Variants in SLC8B1 observed in about 807,000 individuals in gnomAD.
The protein encoded by SLC8B1 is mitochondrial sodium/calcium exchanger protein.
Under a neutral mutation model 63.4 loss-of-function variants are expected in SLC8B1, and 52 were observed. The observed-to-expected ratio is 0.82, with a 90% CI of 0.66 to 1.03. The LOEUF is 1.03. Among genes scored for constraint, SLC8B1 ranks in the 50% least tolerant of loss-of-function variants. The pLI is 0.00. For synonymous variants in SLC8B1, 336 were observed against 323.9 expected, an observed-to-expected ratio of 1.04 and a Z score of -0.40; for missense variants, 657 against 741.7, an observed-to-expected ratio of 0.89 and a Z score of 1.33.
chr12:113,320,561 C>CA lies in SLC8B1; in HGVS notation c.526+19_526+20insT. ...CTCTCCTGCTGCTTTCCCCGCCCCC[C>CA]TCACTGGGGCTGCTCTCACCAAACA... On this transcript the variant is annotated intron_variant, in intron 6 of 15. Transcript: ENST00000680972. This position sits in a 1 kb window ranked among gnomAD's most constrained non-coding sequence, Gnocchi z 5.3. The CA allele has an allele frequency of 6.2e-7, 1 of 1,614,034 alleles. No individual in the cohort carries two copies.
rs769606106 is a variant in SLC8B1, at chr12:113,316,547, C to T, written c.972G>A (p.Trp324Ter). 6.2e-7 allele frequency: 1 copy of T among 1,614,046 alleles called. No individual in the cohort carries two copies. The highest frequency in any genetic ancestry group is 1.7e-5 in the Admixed American group (1 of 59,998). The stretch of plus-strand genomic sequence containing the variant: ...CTACCTTGAACACCTTGAGGGCTTT[C>T]CAGTATGCTGATTTCCTTCTCCACT... Reference protein sequence around the residue: ...YMKWRRKSAYWKALKVFKLPV... With the variant: ...YMKWRRKSAY Residue 324 changes from tryptophan to a stop codon, truncating the protein, a stop_gained, in exon 10 of 16, where the codon TGG becomes TGA. Transcript: ENST00000680972. LOFTEE classifies it high-confidence loss of function.
At chr12:113,323,708 CA>C (rs368029752) in intron 2 of SLC8B1, among the ~76,000 whole-genome samples, 1 of 148,266 alleles carries the variant, frequency 6.7e-6, no homozygotes. Context: ...GACTCCATCT[CA>C]AAAAAAAACA....
At position 113,305,317 on chromosome 12, in the gene SLC8B1, C is replaced by A. The variant is rs1410245100; in HGVS notation, c.1493-932G>T. ...TTGCTCAGCCTGGGAGTTAAAAGGG[C>A]AGGCATCACTGTCTCCGCAGTTAGC... On this transcript the variant is annotated intron_variant, in intron 14 of 15. Coordinates refer to ENST00000680972, the MANE Select transcript of SLC8B1 (RefSeq NM_001358345.2). This position sits in a 1 kb window ranked among gnomAD's most constrained non-coding sequence, Gnocchi z 4.3. Among the ~76,000 whole-genome samples, 1 of 152,250 alleles carries A rather than the reference C, an allele frequency of 6.6e-6. No homozygotes were observed. The highest frequency in any genetic ancestry group is 2.4e-5 in the African/African-American group (1 of 41,468).
chr12:113,309,613 G>T (rs1956727412), intron 12 of SLC8B1, among the ~76,000 whole-genome samples: 1 of 152,142 alleles, frequency 6.6e-6, no homozygotes, highest in Non-Finnish European at 1.5e-5. Context: ...AAAATTAGCT[G>T]GGCGTGGTGG....
Position 113,315,316 on chromosome 12 carries a change from C to T in SLC8B1, c.1135+19G>A, listed in dbSNP as rs182646127. On this transcript the variant is annotated intron_variant, in intron 11 of 15. Transcript: ENST00000680972. ...GAAGGAGTAGGAAGGTGGGTTGGCC[C>T]GGGGTAGGGGATACTCACAGGTCCC... The T allele has an allele frequency of 8.2e-5, 123 of 1,500,894 alleles. No homozygotes were observed. The East Asian group carries it at 2.1e-3, about 25-fold the overall frequency. 93.0% of individuals were successfully genotyped at this position (1,500,894 alleles called of 1,614,324 possible).
At chr12:113,326,565 A>G (rs1223083564) in intron 2 of SLC8B1, among the ~76,000 whole-genome samples, 1 of 151,890 alleles carries the variant, frequency 6.6e-6, no homozygotes, top group South Asian at 2.1e-4. Flanking sequence ...ATGGGGTTTC[A>G]CCATGTTGGC....
At chr12:113,300,768 T>A (rs1012120581) in intron 15 of SLC8B1, among the ~76,000 whole-genome samples, 1 of 152,228 alleles carries the variant, frequency 6.6e-6, no homozygotes, top group Non-Finnish European at 1.5e-5. Flanking sequence ...CCTCTGTTTT[T>A]AATGCTGAAC....
rs1956558360 is a variant in SLC8B1, at chr12:113,300,084, AT to A, written c.1558-111del. 3 of 817,530 alleles carry A rather than the reference AT, an allele frequency of 3.7e-6. No individual in the cohort carries two copies. The East Asian group carries it at 1.3e-4, about 34-fold the overall frequency. The allele number at this position is 817,530 out of a possible 1,614,324, so 50.6% of individuals were successfully genotyped here. A position where few individuals can be genotyped will look rare whatever the true frequency, so the allele number is the denominator to read the frequency against. On this transcript the variant is annotated intron_variant, in intron 15 of 15. Transcript: ENST00000680972. ...CAACAACAATGCAGCCTCAACAACA[AT>A]GCAGCCTCAGCAACAATGCAGCCTC...
intron 11 of SLC8B1, among the ~76,000 whole-genome samples, chr12:113,314,338 A>C (rs987888912): frequency 6.6e-6 from 1 of 152,250 alleles, no homozygotes; most frequent in African/African-American, 2.4e-5. Context: ...ACAGCACACA[A>C]CACCATGCCC....
rs1190906517 is a variant in SLC8B1 at position 113,299,409 on chromosome 12, G to A, written c.*368C>T. ...AGCCCAGGCAAGGGGAACGGGCAGTGCCTGTGCCTCGGGGGTACCTCCAGC... is the reference window on the plus strand; with the variant it reads ...AGCCCAGGCAAGGGGAACGGGCAGTACCTGTGCCTCGGGGGTACCTCCAGC... On this transcript the variant is annotated 3_prime_UTR_variant, in exon 16 of 16. Coordinates refer to ENST00000680972, the MANE Select transcript of SLC8B1 (RefSeq NM_001358345.2). 5.6e-5 allele frequency: 15 copies of A among 268,820 alleles called. No homozygotes were observed. Among genetic ancestry groups the A allele is most frequent in the Non-Finnish European group, 3.7e-5 (5 of 134,310 alleles). 16.7% of individuals were successfully genotyped at this position (268,820 alleles called of 1,614,324 possible). A position where few individuals can be genotyped will look rare whatever the true frequency, so the allele number is the denominator to read the frequency against.
At chr12:113,317,681 G>C (rs1445503896) in intron 8 of SLC8B1, among the ~76,000 whole-genome samples, 5 of 152,198 alleles carry the variant, frequency 3.3e-5, no homozygotes, top group Admixed American at 6.5e-5. Context: ...CTCGAGTGAG[G>C]AGTTAGCTCT....
chr12:113,320,578 C>T lies in SLC8B1; in HGVS notation c.526+3G>A. The T allele has an allele frequency of 1.2e-6, 2 of 1,614,046 alleles. No homozygotes were observed. Among genetic ancestry groups the T allele is most frequent in the Non-Finnish European group, 1.7e-6 (2 of 1,180,014 alleles). On this transcript the variant is annotated splice_donor_region_variant and intron_variant, in intron 6 of 15. Transcript: ENST00000680972. The surrounding 1 kb of genome is among the most constrained non-coding windows in gnomAD (Gnocchi z 5.3). Reference sequence around the variant, plus strand: ...CCGCCCCCCTCACTGGGGCTGCTCTCACCAAACAGTGCCCCAAGGGCCAGG... The same window carrying T: ...CCGCCCCCCTCACTGGGGCTGCTCTTACCAAACAGTGCCCCAAGGGCCAGG...
At position 113,316,576 on chromosome 12, in the gene SLC8B1, T is replaced by C. The variant is rs1458783745; in HGVS notation, c.943A>G (p.Met315Val). 2 of 1,614,202 alleles carry C rather than the reference T, an allele frequency of 1.2e-6. No homozygotes were observed. The highest frequency in any genetic ancestry group is 1.7e-6 in the Non-Finnish European group (2 of 1,180,032). Residue 315 changes from methionine (M) to valine (V), a missense_variant, in exon 10 of 16, where the codon ATG becomes GTG. Transcript: ENST00000680972. Reference sequence around the variant, plus strand: ...TATGCTGATTTCCTTCTCCACTTCATGTAATCCAGGGGATTGAGGGCCCGG... The same window carrying C: ...TATGCTGATTTCCTTCTCCACTTCACGTAATCCAGGGGATTGAGGGCCCGG... ...LVRALNPLDY[M>V]KWRRKSAYWK...
chr12:113,310,932 G>A (rs1426025153), intron 11 of SLC8B1, among the ~76,000 whole-genome samples: 3 of 152,216 alleles, frequency 2.0e-5, no homozygotes, highest in Non-Finnish European at 4.4e-5. Flanking sequence ...ACGATGAATA[G>A]TTCAAATGTT....
In SLC8B1 at chr12:113,306,380, C is replaced by T. The variant is rs991503084; in HGVS notation, c.1492+115G>A. Reference sequence around the variant, plus strand: ...TTGGAGCCTGAGGCTCAGGCAGCCACATTACCTGCCCCAGGTGTTACACCG... The same window carrying T: ...TTGGAGCCTGAGGCTCAGGCAGCCATATTACCTGCCCCAGGTGTTACACCG... On this transcript the variant is annotated intron_variant, in intron 14 of 15. Coordinates refer to ENST00000680972, the MANE Select transcript of SLC8B1 (RefSeq NM_001358345.2). 25 of 839,024 alleles carry T rather than the reference C, an allele frequency of 3.0e-5. No individual in the cohort carries two copies. In the African/African-American group the frequency reaches 3.9e-4, roughly 13 times the overall value. 52.0% of individuals were successfully genotyped at this position (839,024 alleles called of 1,614,324 possible).
chr12:113,330,389 G>T (rs1287011369), intron 2 of SLC8B1, among the ~76,000 whole-genome samples: 1 of 152,226 alleles, frequency 6.6e-6, no homozygotes, highest in East Asian at 1.9e-4. Context: ...GGACTAGAGG[G>T]GAAGGGGATG....
intron 2 of SLC8B1, among the ~76,000 whole-genome samples, chr12:113,324,334 A>C (rs1956969673): frequency 1.3e-5 from 2 of 151,764 alleles, no homozygotes; most frequent in African/African-American, 4.8e-5. Context: ...CAAACAAAAA[A>C]AAAAACTTTT....
In SLC8B1 at chr12:113,321,163, C is replaced by T; in HGVS notation, c.309+33G>A. 17 of 1,613,902 alleles carry T rather than the reference C, an allele frequency of 1.1e-5. No homozygotes were observed. The South Asian group carries it at 1.9e-4, about 18-fold the overall frequency. The stretch of plus-strand genomic sequence containing the variant: ...GTCAAGTCCAGCTGGAGACACCAGC[C>T]CCTCTCACCAGCCCCCCAGGGCAGG... On this transcript the variant is annotated intron_variant, in intron 3 of 15. Coordinates refer to ENST00000680972, the MANE Select transcript of SLC8B1 (RefSeq NM_001358345.2).
intron 14 of SLC8B1, among the ~76,000 whole-genome samples, chr12:113,304,955 C>T (rs142512708): frequency 6.6e-6 from 1 of 152,282 alleles, no homozygotes; most frequent in East Asian, 1.9e-4. Flanking sequence ...TGCCCAACTC[C>T]CCCAAACACC....
Sources: allele counts gnomAD v4.1 joint callset (sites outside exome capture counted in the v4.1 genomes callset), GRCh38; gene constraint gnomAD v4.1.1; non-coding constraint Gnocchi (gnomAD v3.1); transcripts MANE v1.5; gene names NCBI Gene and HGNC (gene_info 2026-07-23, HGNC 2026-07-21).